The following CAMTA1 variants were observed in gnomAD, a reference collection of about 807,000 sequenced individuals.
CAMTA1 encodes the protein calmodulin-binding transcription activator 1.
CAMTA1 carries 27 observed loss-of-function variants against 170.9 expected under a neutral mutation model. The ratio of observed to expected loss-of-function variants is 0.16; its 90% CI spans 0.12 to 0.22. CAMTA1 has a LOEUF of 0.22. CAMTA1 is among the 10% of genes least tolerant of loss of function. CAMTA1 has a pLI of 1.00. For synonymous variants in CAMTA1, 833 were observed against 891.5 expected (o/e 0.93, Z 1.17); for missense variants, 1,619 against 2,217.2 (o/e 0.73, Z 5.42).
intron 6 of CAMTA1, among the ~76,000 whole-genome samples, chr1:7,616,043 C>G (rs1334786816): frequency 6.6e-6 from 1 of 152,160 alleles, no homozygotes; most frequent in Non-Finnish European, 1.5e-5. Flanking sequence ...ATTATTATTC[C>G]CATTTACCAC....
At chr1:7,109,675 G>C (rs4908599) in intron 4 of CAMTA1, among the ~76,000 whole-genome samples, 41,463 of 152,106 alleles carry the variant, frequency 0.27, 6,570 homozygotes, top group South Asian at 0.38. Flanking sequence ...GACATTCTGT[G>C]CTTATGGCTC....
At position 7,326,169 on chromosome 1, in the gene CAMTA1, G is replaced by T. The variant is rs148098898; in HGVS notation, c.438+76543G>T. Among the ~76,000 whole-genome samples the T allele has an allele frequency of 3.6e-3, 553 of 152,238 alleles. 8 individuals carry two copies. The highest frequency in any genetic ancestry group is 0.023 in the Admixed American group (358 of 15,294). ...CCACTGCACCTGGCCGACAGATCCA[G>T]GTTTTGTGGACCTTAAGCTTATACA... On this transcript the variant is annotated intron_variant, in intron 5 of 22. Transcript: ENST00000303635.
At chr1:7,496,417 G>C (rs141897757) in intron 6 of CAMTA1, among the ~76,000 whole-genome samples, 1 of 152,110 alleles carries the variant, frequency 6.6e-6, no homozygotes. Context: ...GTGGGGAGGG[G>C]CAAGTCCCGT....
intron 1 of CAMTA1, among the ~76,000 whole-genome samples, chr1:6,812,415 A>G (rs566604232): frequency 6.6e-6 from 1 of 152,344 alleles, no homozygotes; most frequent in East Asian, 1.9e-4. Context: ...CGTACATAAT[A>G]TTGAATAGAA....
rs533824860 is a variant in CAMTA1 at position 6,997,037 on chromosome 1, T to C, written c.235-94267T>C. Among the ~76,000 whole-genome samples the C allele has an allele frequency of 5.5e-4, 83 of 152,270 alleles. 1 individual carries two copies. The highest frequency in any genetic ancestry group is 3.1e-3 in the South Asian group (15 of 4,820). On this transcript the variant is annotated intron_variant, in intron 3 of 22. Coordinates refer to ENST00000303635, the MANE Select transcript of CAMTA1 (RefSeq NM_015215.4). ...GATGTGTCGGTTTGCAAGCGAACCT[T>C]TTGTTGGTAATTGTAAGCATTCTTA...
In CAMTA1 at chr1:7,680,768, C is replaced by T. The variant is rs2096186440; in HGVS notation, c.2914+3035C>T. The stretch of plus-strand genomic sequence containing the variant: ...GGGCGGGGAAGAGACTGTCTGCCCT[C>T]ATTTGATCTAAAACATGAATTTGTT... On this transcript the variant is annotated intron_variant, in intron 11 of 22. Coordinates refer to ENST00000303635, the MANE Select transcript of CAMTA1 (RefSeq NM_015215.4). The surrounding 1 kb of genome is among the most constrained non-coding windows in gnomAD (Gnocchi z 4.4). 6.7e-6 allele frequency among the ~76,000 whole-genome samples: 1 copy of T among 149,536 alleles called. No homozygotes were observed. The highest frequency in any genetic ancestry group is 6.7e-5 in the Admixed American group (1 of 14,964).
intron 5 of CAMTA1, among the ~76,000 whole-genome samples, chr1:7,386,180 T>C (rs845233): frequency 0.88 from 133,608 of 152,250 alleles, 58,961 homozygotes; most frequent in East Asian, 0.97. Flanking sequence ...GCCCGTCTTT[T>C]CATCTGGGAC....
intron 19 of CAMTA1, among the ~76,000 whole-genome samples, chr1:7,750,133 T>C (rs1043306514): frequency 3.3e-5 from 5 of 152,178 alleles, no homozygotes; most frequent in Non-Finnish European, 7.4e-5. Context: ...GTGGAGACGA[T>C]GGAAACCACA....
At chr1:7,698,074 A>AG (rs2096395937) in intron 11 of CAMTA1, among the ~76,000 whole-genome samples, 1 of 98,586 alleles carries the variant, frequency 1.0e-5, no homozygotes, top group Non-Finnish European at 2.2e-5. Flanking sequence ...ACGCACTGTG[A>AG]CCCCCCCCCC....
chr1:7,602,496 G>A (rs2095455070), intron 6 of CAMTA1, among the ~76,000 whole-genome samples: 1 of 152,096 alleles, frequency 6.6e-6, no homozygotes, highest in Non-Finnish European at 1.5e-5. Flanking sequence ...GGGATTGGTG[G>A]TGATATCCCC....
chr1:6,927,847 G>A (rs912525952), intron 3 of CAMTA1, among the ~76,000 whole-genome samples: 1 of 152,236 alleles, frequency 6.6e-6, no homozygotes, highest in South Asian at 2.1e-4. Flanking sequence ...TTTGGGAACC[G>A]TGTTTCTAGT....
intron 4 of CAMTA1, among the ~76,000 whole-genome samples, chr1:7,097,009 TC>T (rs1642164208): frequency 6.6e-6 from 1 of 152,146 alleles, no homozygotes; most frequent in Non-Finnish European, 1.5e-5. Flanking sequence ...ATCTTTCTTG[TC>T]CCCCACTTTG....
At chr1:7,081,185 A>G (rs1022809677) in intron 3 of CAMTA1, among the ~76,000 whole-genome samples, 2 of 152,240 alleles carry the variant, frequency 1.3e-5, no homozygotes, top group East Asian at 1.9e-4. Context: ...GCTCATCTTC[A>G]TGGCCACTGG....
intron 5 of CAMTA1, among the ~76,000 whole-genome samples, chr1:7,465,026 A>C (rs1438342160): frequency 1.3e-5 from 2 of 152,148 alleles, no homozygotes; most frequent in African/African-American, 4.8e-5. Flanking sequence ...CTTGAAACTG[A>C]AGCTCAACCC....
At chr1:6,895,694 C>T (rs537570366) in intron 3 of CAMTA1, among the ~76,000 whole-genome samples, 8 of 152,280 alleles carry the variant, frequency 5.3e-5, no homozygotes, top group African/African-American at 1.9e-4. Context: ...TTTTCTCTAC[C>T]TAAAATTATT....
intron 3 of CAMTA1, among the ~76,000 whole-genome samples, chr1:6,990,499 A>G (rs1696175493): frequency 6.6e-6 from 1 of 152,236 alleles, no homozygotes; most frequent in Non-Finnish European, 1.5e-5. Flanking sequence ...TTCAGCATGC[A>G]TATTATGAAC....
rs1286528120 is a variant in CAMTA1 at position 7,547,644 on chromosome 1, A to G, written c.510+79743A>G. Among the ~76,000 whole-genome samples, 1 of 152,120 alleles carries G rather than the reference A, an allele frequency of 6.6e-6. No individual in the cohort carries two copies. The highest frequency in any genetic ancestry group is 1.5e-5 in the Non-Finnish European group (1 of 68,028). ...CTGCCTGTGGCCCAGGACAGCTTTG[A>G]ATGTGGCCCAACACAAATTCATAAA... On this transcript the variant is annotated intron_variant, in intron 6 of 22. Transcript: ENST00000303635. This position sits in a 1 kb window ranked among gnomAD's most constrained non-coding sequence, Gnocchi z 5.7.
chr1:7,515,120 C>T (rs1177597466), intron 6 of CAMTA1, among the ~76,000 whole-genome samples: 2 of 150,448 alleles, frequency 1.3e-5, no homozygotes, highest in Non-Finnish European at 3.0e-5. Context: ...CTGGTCCTCC[C>T]CGGCTCCCTC....
chr1:7,675,912 T>C (rs544464767), intron 10 of CAMTA1, among the ~76,000 whole-genome samples: 3 of 152,258 alleles, frequency 2.0e-5, no homozygotes, highest in Admixed American at 6.5e-5. Context: ...AAGGAAGAAA[T>C]GCCTTGGAGT....
Sources: allele counts gnomAD v4.1 joint callset (sites outside exome capture counted in the v4.1 genomes callset), GRCh38; gene constraint gnomAD v4.1.1; non-coding constraint Gnocchi (gnomAD v3.1); transcripts MANE v1.5; gene names NCBI Gene and HGNC (gene_info 2026-07-23, HGNC 2026-07-21).